ASPH: variants seen among roughly 807,000 people sequenced by gnomAD.
ASPH encodes aspartyl/asparaginyl beta-hydroxylase.
ASPH carries 100 observed loss-of-function variants against 118.4 expected under a neutral mutation model. The observed-to-expected ratio is 0.84, with a 90% CI of 0.72 to 1.00. The LOEUF is 1.00. ASPH is among the 50% of genes least tolerant of loss of function. The probability of loss-of-function intolerance (pLI) is 0.00; values close to 1 mark genes in which losing one functional copy is unlikely to be tolerated. For missense variants in ASPH, 920 were observed against 919.5 expected (o/e 1.00, Z -0.01); for synonymous variants, 315 against 325.6 (o/e 0.97, Z 0.35).
chr8:61,620,363 G>A (rs1411641166), intron 13 of ASPH, among the ~76,000 whole-genome samples: 3 of 152,080 alleles, frequency 2.0e-5, no homozygotes, highest in Admixed American at 1.3e-4. Context: ...TTTTTCCACT[G>A]AACCACTGTG....
intron 19 of ASPH, among the ~76,000 whole-genome samples, chr8:61,554,479 A>T (rs957911621): frequency 6.6e-6 from 1 of 151,358 alleles, no homozygotes; most frequent in Non-Finnish European, 1.5e-5. Flanking sequence ...ATTGATACTT[A>T]AAAAAAAAGC....
chr8:61,545,083 C>T (rs979446175), intron 21 of ASPH, among the ~76,000 whole-genome samples: 7 of 152,174 alleles, frequency 4.6e-5, no homozygotes, highest in African/African-American at 1.4e-4. Context: ...TAAAGGCAGA[C>T]TAAAGCTGAA....
intron 21 of ASPH, among the ~76,000 whole-genome samples, chr8:61,545,241 G>A (rs1286718817): frequency 6.6e-6 from 1 of 152,214 alleles, no homozygotes; most frequent in East Asian, 1.9e-4. Flanking sequence ...GCCTCAGAGA[G>A]CTGCCTTCTC....
At chr8:61,536,375 AT>A (rs1174941617) in intron 21 of ASPH, among the ~76,000 whole-genome samples, 2 of 152,218 alleles carry the variant, frequency 1.3e-5, no homozygotes, top group African/African-American at 4.8e-5. Context: ...ATAAAAGTCA[AT>A]GAAGTGAGAA....
intron 21 of ASPH, among the ~76,000 whole-genome samples, chr8:61,531,873 C>A (rs1372737511): frequency 1.3e-5 from 2 of 152,132 alleles, no homozygotes; most frequent in East Asian, 3.8e-4. Context: ...GCAGGATATC[C>A]TTCTTTTTAA....
At chr8:61,566,311 G>T (rs943407187) in intron 17 of ASPH, among the ~76,000 whole-genome samples, 11 of 152,172 alleles carry the variant, frequency 7.2e-5, no homozygotes, top group Non-Finnish European at 1.6e-4. Flanking sequence ...AAGATAACTA[G>T]AATTAGAAGT....
At chr8:61,639,665 C>T (rs1166848453) in intron 10 of ASPH, among the ~76,000 whole-genome samples, 5 of 152,170 alleles carry the variant, frequency 3.3e-5, no homozygotes, top group South Asian at 2.1e-4. Context: ...CTGATGACCA[C>T]GTAACTACTC....
At chr8:61,543,539 A>G (rs1046816588) in intron 21 of ASPH, among the ~76,000 whole-genome samples, 9 of 152,156 alleles carry the variant, frequency 5.9e-5, no homozygotes, top group Non-Finnish European at 1.0e-4. Context: ...TTAAGTCTTT[A>G]GACATAGTTT....
At chr8:61,574,728 G>A (rs1037430912) in intron 16 of ASPH, among the ~76,000 whole-genome samples, 1 of 152,154 alleles carries the variant, frequency 6.6e-6, no homozygotes, top group African/African-American at 2.4e-5. Context: ...ATAGCATTAG[G>A]AGAAATACCT....
intron 12 of ASPH, among the ~76,000 whole-genome samples, chr8:61,636,503 C>T (rs1158128145): frequency 6.6e-6 from 1 of 152,046 alleles, no homozygotes; most frequent in East Asian, 1.9e-4. Context: ...AGATAAGCTC[C>T]CCTCACTGTC....
At chr8:61,707,320 C>A (rs543874165) in intron 1 of ASPH, among the ~76,000 whole-genome samples, 122 of 151,856 alleles carry the variant, frequency 8.0e-4, no homozygotes, top group African/African-American at 2.8e-3. Context: ...ACAGGCAATT[C>A]AAAGGAGGAA....
At position 61,680,967 on chromosome 8, in the gene ASPH, C is replaced by T. The variant is rs1464309355; in HGVS notation, c.322+1G>A. 6.3e-7 allele frequency: 1 copy of T among 1,596,852 alleles called. No individual in the cohort carries two copies. The highest frequency in any genetic ancestry group is 8.5e-7 in the Non-Finnish European group (1 of 1,171,386). On this transcript the variant is annotated splice_donor_variant, in intron 3 of 24. Transcript: ENST00000379454. LOFTEE classifies it high-confidence loss of function. Reference sequence around the variant, plus strand: ...ACAAAAAACATAAAATGTGTACTTGCCTAATAAAACTTTGGCATCATCCAC... The same window carrying T: ...ACAAAAAACATAAAATGTGTACTTGTCTAATAAAACTTTGGCATCATCCAC...
At chr8:61,710,205 A>C (rs1837744621) in intron 1 of ASPH, among the ~76,000 whole-genome samples, 1 of 152,210 alleles carries the variant, frequency 6.6e-6, no homozygotes, top group Non-Finnish European at 1.5e-5. Context: ...GAGGCTGGGA[A>C]CAGAGATTTT....
intron 10 of ASPH, among the ~76,000 whole-genome samples, chr8:61,641,415 T>C (rs1263104367): frequency 6.6e-6 from 1 of 152,158 alleles, no homozygotes; most frequent in East Asian, 1.9e-4. Context: ...AAATTCCTAT[T>C]TTCTCCTTCA....
At chr8:61,520,654 T>C (rs1812621032) in intron 22 of ASPH, among the ~76,000 whole-genome samples, 1 of 152,158 alleles carries the variant, frequency 6.6e-6, no homozygotes, top group Admixed American at 6.5e-5. Context: ...CACCGTAAAG[T>C]GTTTTTGAGC....
chr8:61,651,047 T>C lies in ASPH; in HGVS notation c.490+3A>G, dbSNP rs1326486845. 2 of 1,609,210 alleles carry C rather than the reference T, an allele frequency of 1.2e-6. No homozygotes were observed. Among genetic ancestry groups the C allele is most frequent in the Non-Finnish European group, 1.7e-6 (2 of 1,177,754 alleles). On this transcript the variant is annotated splice_donor_region_variant and intron_variant, in intron 5 of 24. Coordinates refer to ENST00000379454, the MANE Select transcript of ASPH (RefSeq NM_004318.4). ...AAAACAAAGAGCAGATTTTAATTCA[T>C]ACCATGTTCTGCGTGTACCATTTCA...
intron 20 of ASPH, among the ~76,000 whole-genome samples, chr8:61,548,685 TAAG>T (rs1399506764): frequency 6.6e-6 from 1 of 152,194 alleles, no homozygotes; most frequent in African/African-American, 2.4e-5. Context: ...TGTCCACATT[TAAG>T]AAGGTCACAC....
chr8:61,704,478 G>A, intron 1 of ASPH, among the ~76,000 whole-genome samples: 1 of 151,732 alleles, frequency 6.6e-6, no homozygotes, highest in Non-Finnish European at 1.5e-5. Context: ...GTGAGAATGT[G>A]CAGTTTCTTA....
intron 3 of ASPH, among the ~76,000 whole-genome samples, chr8:61,667,677 T>G (rs1820392615): frequency 1.3e-5 from 2 of 152,228 alleles, no homozygotes; most frequent in African/African-American, 4.8e-5. Flanking sequence ...TAATTTTTAA[T>G]GAATTAAAAT....
Sources: allele counts gnomAD v4.1 joint callset (sites outside exome capture counted in the v4.1 genomes callset), GRCh38; gene constraint gnomAD v4.1.1; transcripts MANE v1.5; gene names NCBI Gene and HGNC (gene_info 2026-07-23, HGNC 2026-07-21).